Variants in PTPRK observed in about 807,000 individuals in gnomAD.
PTPRK encodes the protein receptor-type tyrosine-protein phosphatase kappa.
In PTPRK, 75 loss-of-function variants were observed where a neutral mutation model predicts 178.0. The ratio of observed to expected loss-of-function variants is 0.42; its 90% CI spans 0.35 to 0.51. The LOEUF (loss-of-function observed/expected upper bound fraction) is 0.51, where lower values mean the gene tolerates loss of function less well. Among genes scored for constraint, PTPRK ranks in the 20% least tolerant of loss-of-function variants. The pLI, the probability that PTPRK is intolerant of heterozygous loss-of-function variation, is 0.02. For missense variants in PTPRK, 1,441 were observed against 1,797.8 expected (o/e 0.80, Z 3.59); for synonymous variants, 637 against 620.6 (o/e 1.03, Z -0.39).
At chr6:128,441,823 A>T (rs1846322524) in intron 1 of PTPRK, among the ~76,000 whole-genome samples, 1 of 152,246 alleles carries the variant, frequency 6.6e-6, no homozygotes, top group South Asian at 2.1e-4. Context: ...ACAAAAGATT[A>T]TGAAAGCACA....
intron 15 of PTPRK, among the ~76,000 whole-genome samples, chr6:127,999,212 G>C (rs1777513845): frequency 6.6e-6 from 1 of 152,026 alleles, no homozygotes; most frequent in Admixed American, 6.6e-5. Context: ...TGCATCTGTA[G>C]TCATAGCAGT....
chr6:128,054,964 G>A (rs1241871518), intron 13 of PTPRK, among the ~76,000 whole-genome samples: 3 of 152,106 alleles, frequency 2.0e-5, no homozygotes, highest in Non-Finnish European at 4.4e-5. Flanking sequence ...GGCTGTGGTG[G>A]TGACTGTATG....
rs1811911491 is a variant in PTPRK, at chr6:128,229,272, T to A, written c.694-10176A>T. Among the ~76,000 whole-genome samples, 3 of 152,326 alleles carry A rather than the reference T, an allele frequency of 2.0e-5. No individual in the cohort carries two copies. The South Asian group carries it at 6.2e-4, about 32-fold the overall frequency. ...AAATGAGATAAAACCAATGTATAATTATGATATATTCTAAATCCACCTTCC... is the reference window on the plus strand; with the variant it reads ...AAATGAGATAAAACCAATGTATAATAATGATATATTCTAAATCCACCTTCC... On this transcript the variant is annotated intron_variant, in intron 5 of 29. Transcript: ENST00000368226.
intron 6 of PTPRK, among the ~76,000 whole-genome samples, chr6:128,193,198 G>T (rs1804154754): frequency 7.7e-6 from 1 of 130,454 alleles, no homozygotes; most frequent in East Asian, 2.5e-4. Flanking sequence ...TTAATTAAAA[G>T]AGTTAGTTGA....
At chr6:128,335,872 TA>T (rs1463218404) in intron 2 of PTPRK, among the ~76,000 whole-genome samples, 1 of 152,146 alleles carries the variant, frequency 6.6e-6, no homozygotes, top group Non-Finnish European at 1.5e-5. Flanking sequence ...TGGTCTCCAA[TA>T]ATTGAGCAAA....
chr6:128,280,916 T>C (rs1201551060), intron 3 of PTPRK, among the ~76,000 whole-genome samples: 2 of 152,212 alleles, frequency 1.3e-5, no homozygotes, highest in African/African-American at 2.4e-5. Context: ...TTGTAGCATA[T>C]TCTTTGAGTA....
At chr6:127,986,211 T>C (rs528175895) in intron 21 of PTPRK, among the ~76,000 whole-genome samples, 167 of 152,302 alleles carry the variant, frequency 1.1e-3, no homozygotes, top group East Asian at 3.7e-3. Context: ...ATGGGAAAGC[T>C]AAAATGCTGC....
chr6:127,970,330 A>G (rs1461676289), intron 29 of PTPRK, 50 bp from the exon 30 acceptor site: 2 of 1,449,044 alleles, frequency 1.4e-6, no homozygotes, highest in Admixed American at 1.8e-5. Flanking sequence ...AAAGAGACTA[A>G]TGTTGAATAA....
rs570884099 is a variant in PTPRK, at chr6:128,302,270, T to A, written c.495+19769A>T. Among the ~76,000 whole-genome samples, 26 of 151,764 alleles carry A rather than the reference T, an allele frequency of 1.7e-4. No homozygotes were observed. The East Asian group carries it at 4.5e-3, about 26-fold the overall frequency. On this transcript the variant is annotated intron_variant, in intron 3 of 29. Coordinates refer to ENST00000368226, the MANE Select transcript of PTPRK (RefSeq NM_002844.4). The stretch of plus-strand genomic sequence containing the variant: ...AGCTGGGTGTGGTGGCGGGCGCCTG[T>A]AGTCCCAGCTACTAGGGAGGCTGCG...
intron 7 of PTPRK, among the ~76,000 whole-genome samples, chr6:128,091,451 G>C (rs1366331951): frequency 6.6e-6 from 1 of 152,144 alleles, no homozygotes; most frequent in Non-Finnish European, 1.5e-5. Context: ...CTGCCCACCA[G>C]CTAACCAGGC....
chr6:128,412,243 G>A (rs1359977699), intron 1 of PTPRK, among the ~76,000 whole-genome samples: 1 of 152,196 alleles, frequency 6.6e-6, no homozygotes, highest in Non-Finnish European at 1.5e-5. Context: ...GTGGCGACAA[G>A]CCAGGCAATG....
chr6:128,428,805 A>G (rs1284015598), intron 1 of PTPRK, among the ~76,000 whole-genome samples: 3 of 152,192 alleles, frequency 2.0e-5, no homozygotes, highest in Non-Finnish European at 4.4e-5. Flanking sequence ...AACTGTCCTT[A>G]GAGTACCCAT....
chr6:128,192,882 G>GAGGGAGGAAGGGAGGA (rs1288466005), intron 6 of PTPRK, among the ~76,000 whole-genome samples: 2 of 146,568 alleles, frequency 1.4e-5, no homozygotes, highest in Non-Finnish European at 3.0e-5. Context: ...GAGGGGAGGA[G>GAGGGAGGAAGGGAGGA]AGGGAGGAAG....
rs550718832 is a variant in PTPRK at position 128,483,897 on chromosome 6, T to A, written c.100+36362A>T. The stretch of plus-strand genomic sequence containing the variant: ...CCTCTGGTGTGTATAGATGATATCT[T>A]TTTATGAAAATAATGGAACACAGAT... On this transcript the variant is annotated intron_variant, in intron 1 of 29. Coordinates refer to ENST00000368226, the MANE Select transcript of PTPRK (RefSeq NM_002844.4). Among the ~76,000 whole-genome samples, 47 of 152,242 alleles carry A rather than the reference T, an allele frequency of 3.1e-4. 1 individual carries two copies. The highest frequency in any genetic ancestry group is 1.1e-3 in the African/African-American group (45 of 41,566).
intron 13 of PTPRK, among the ~76,000 whole-genome samples, chr6:128,060,253 C>T (rs1459274083): frequency 6.6e-6 from 1 of 152,074 alleles, no homozygotes; most frequent in East Asian, 1.9e-4. Context: ...TGATCTTATG[C>T]TTGAGAACTA....
chr6:128,336,188 T>G (rs1031627758), intron 2 of PTPRK, among the ~76,000 whole-genome samples: 1 of 29,018 alleles, frequency 3.4e-5, no homozygotes, highest in Non-Finnish European at 9.2e-5. Context: ...ATTCCAACAG[T>G]GTGTTTTTTT....
At chr6:128,388,420 C>T (rs1839077026) in intron 2 of PTPRK, among the ~76,000 whole-genome samples, 1 of 152,172 alleles carries the variant, frequency 6.6e-6, no homozygotes, top group South Asian at 2.1e-4. Flanking sequence ...AATGAGCCAA[C>T]TCTGGACCTT....
At chr6:128,316,769 G>A (rs369095629) in intron 3 of PTPRK, among the ~76,000 whole-genome samples, 1 of 147,218 alleles carries the variant, frequency 6.8e-6, no homozygotes, top group East Asian at 2.0e-4. Context: ...CCAGGCTGGA[G>A]TGCAGTGGTG....
chr6:128,329,382 A>AACACACACACACAC (rs149088868), intron 2 of PTPRK, among the ~76,000 whole-genome samples: 4 of 145,616 alleles, frequency 2.7e-5, no homozygotes, highest in African/African-American at 7.5e-5. Context: ...TATATAGATA[A>AACACACACACACAC]ACACACACAC....
Sources: allele counts gnomAD v4.1 joint callset (sites outside exome capture counted in the v4.1 genomes callset), GRCh38; gene constraint gnomAD v4.1.1; transcripts MANE v1.5; gene names NCBI Gene and HGNC (gene_info 2026-07-23, HGNC 2026-07-21).